The following DIP2C variants were observed in gnomAD, a reference collection of about 807,000 sequenced individuals.
The protein encoded by DIP2C is disco-interacting protein 2 homolog C.
Under a neutral mutation model 192.4 loss-of-function variants are expected in DIP2C, and 33 were observed. The observed-to-expected ratio is 0.17, with a 90% CI of 0.13 to 0.23. The LOEUF is 0.23. DIP2C is among the 10% of genes least tolerant of loss of function. The pLI, the probability that DIP2C is intolerant of heterozygous loss-of-function variation, is 1.00. For synonymous variants in DIP2C, 979 were observed against 864.1 expected, an observed-to-expected ratio of 1.13 and a Z score of -2.33; for missense variants, 1,537 against 2,110.1, an observed-to-expected ratio of 0.73 and a Z score of 5.32.
At chr10:558,697 A>T (rs1849037946) in intron 1 of DIP2C, among the ~76,000 whole-genome samples, 1 of 152,198 alleles carries the variant, frequency 6.6e-6, no homozygotes, top group African/African-American at 2.4e-5. Flanking sequence ...AGACACTGTA[A>T]CATGCTTATC....
rs199524257 is a variant in DIP2C at position 408,986 on chromosome 10, A to G, written c.1089T>C (p.Ala363=). The G allele has an allele frequency of 6.2e-7, 1 of 1,614,224 alleles. No individual in the cohort carries two copies. The highest frequency in any genetic ancestry group is 8.5e-7 in the Non-Finnish European group (1 of 1,180,036). The change falls in exon 9 of 37, where the codon GCT becomes GCC. Residue 363 remains alanine, a synonymous_variant. Transcript: ENST00000280886. ...TGCCTAATTTGTGTAGAATGCTGTA[A>G]GCGACCTTCATACTTCTTGTCCACA... ...GKLWTRSMKV[A]YSILHKLGTK... is the part of the protein sequence containing the mutation.
intron 1 of DIP2C, among the ~76,000 whole-genome samples, chr10:580,236 C>T (rs945817390): frequency 1.3e-5 from 2 of 152,076 alleles, no homozygotes; most frequent in African/African-American, 4.8e-5. Context: ...AGTACACTAA[C>T]ATATACATGT....
intron 4 of DIP2C, among the ~76,000 whole-genome samples, chr10:440,432 G>A (rs972539197): frequency 1.3e-5 from 2 of 152,136 alleles, no homozygotes; most frequent in Non-Finnish European, 2.9e-5. Context: ...TTTATGACCC[G>A]TGATTTGGGT....
chr10:375,956 A>G (rs1006384437), intron 17 of DIP2C, among the ~76,000 whole-genome samples: 7 of 152,238 alleles, frequency 4.6e-5, no homozygotes, highest in African/African-American at 1.4e-4. Context: ...GAAAGAGTTA[A>G]GCTGCAGGCC....
At chr10:466,199 C>G (rs904266393) in intron 3 of DIP2C, among the ~76,000 whole-genome samples, 1 of 151,922 alleles carries the variant, frequency 6.6e-6, no homozygotes, top group African/African-American at 2.4e-5. Context: ...AGATATAGAT[C>G]AATGGAACAG....
intron 6 of DIP2C, among the ~76,000 whole-genome samples, chr10:417,846 GCACC>G (rs1564685790): frequency 6.0e-5 from 5 of 82,926 alleles, no homozygotes; most frequent in African/African-American, 2.4e-4. Context: ...CTGTCCACCT[GCACC>G]TGTCAGAGCT....
chr10:347,426 C>A (rs1208634579), intron 26 of DIP2C, among the ~76,000 whole-genome samples: 1 of 148,900 alleles, frequency 6.7e-6, no homozygotes, highest in Non-Finnish European at 1.5e-5. Context: ...CATAGTTCTC[C>A]CGGAAACGTC....
chr10:417,635 C>T (rs868863065), intron 6 of DIP2C, among the ~76,000 whole-genome samples: 243 of 6,138 alleles, frequency 0.04, 6 homozygotes, highest in South Asian at 0.2. Flanking sequence ...TGTCAGGGCT[C>T]GGATAGGCCT....
rs750657568 is a variant in DIP2C, at chr10:422,877, C to G, written c.551G>C (p.Gly184Ala). The G allele has an allele frequency of 6.2e-7, 1 of 1,613,508 alleles. No homozygotes were observed. The highest frequency in any genetic ancestry group is 1.1e-5 in the South Asian group (1 of 91,048). The change falls in exon 5 of 37, where the codon GGG (glycine) becomes GCG (alanine). Residue 184 changes from glycine to alanine, a missense_variant. Gly to Ala is a moderately conservative substitution (Grantham distance 60). Coordinates refer to ENST00000280886, the MANE Select transcript of DIP2C (RefSeq NM_014974.3). ...STTSSSSTQS[G>A]GSGAAHRLAD... ...CAGCCTGTGGGCAGCCCCGCTGCCC[C>G]CGCTCTGCGTAGAGGACGAGGAGGT...
chr10:671,456 ACCACAGGCGCACGGACGGAGGAAACG>A (rs1297160771), intron 1 of DIP2C, among the ~76,000 whole-genome samples: 1 of 105,524 alleles, frequency 9.5e-6, no homozygotes, highest in Non-Finnish European at 1.9e-5. Flanking sequence ...GAGGAAACAG[ACCACAGGCGCACGGACGGAGGAAACG>A]CCACAGACGC....
chr10:593,315 C>T (rs943969587), intron 1 of DIP2C, among the ~76,000 whole-genome samples: 7 of 152,126 alleles, frequency 4.6e-5, no homozygotes, highest in Non-Finnish European at 1.0e-4. Flanking sequence ...CCCAGTGTAA[C>T]CCTAAGTCCA....
intron 1 of DIP2C, among the ~76,000 whole-genome samples, chr10:509,571 G>C (rs923824772): frequency 2.0e-5 from 3 of 152,320 alleles, no homozygotes; most frequent in Admixed American, 6.5e-5. Context: ...CAGGGACTCT[G>C]TGCGGTAAGG....
intron 3 of DIP2C, among the ~76,000 whole-genome samples, chr10:457,975 C>T (rs1326542725): frequency 6.6e-6 from 1 of 152,200 alleles, no homozygotes; most frequent in Non-Finnish European, 1.5e-5. Context: ...GCAGGTCTGG[C>T]AACAGTCCCA....
At chr10:305,935 A>T (rs1956294610) in intron 32 of DIP2C, among the ~76,000 whole-genome samples, 1 of 150,918 alleles carries the variant, frequency 6.6e-6, no homozygotes, top group Non-Finnish European at 1.5e-5. Flanking sequence ...GTGTGAGCCC[A>T]TTCCCAGCCT....
At chr10:428,809 GT>G (rs1481296578) in intron 4 of DIP2C, among the ~76,000 whole-genome samples, 10 of 151,980 alleles carry the variant, frequency 6.6e-5, no homozygotes, top group African/African-American at 2.2e-4. Flanking sequence ...TTTAATTTTG[GT>G]TTCTCTGGTC....
intron 1 of DIP2C, among the ~76,000 whole-genome samples, chr10:534,044 G>GA (rs1437895447): frequency 6.6e-6 from 1 of 151,764 alleles, no homozygotes; most frequent in Non-Finnish European, 1.5e-5. Context: ...AATGGACCAT[G>GA]AAGCCCACGC....
intron 1 of DIP2C, among the ~76,000 whole-genome samples, chr10:543,862 T>C (rs1322582959): frequency 6.6e-6 from 1 of 152,004 alleles, no homozygotes; most frequent in Non-Finnish European, 1.5e-5. Context: ...TTCTGGGACT[T>C]TTTCACCACC....
At chr10:670,269 C>T (rs1181905259) in intron 1 of DIP2C, among the ~76,000 whole-genome samples, 1 of 142,396 alleles carries the variant, frequency 7.0e-6, no homozygotes, top group East Asian at 2.1e-4. Context: ...CACATACACG[C>T]ATGCATATAC....
chr10:607,947 A>G (rs1343893717), intron 1 of DIP2C, among the ~76,000 whole-genome samples: 1 of 151,714 alleles, frequency 6.6e-6, no homozygotes, highest in African/African-American at 2.4e-5. Flanking sequence ...TGTGGGTCCC[A>G]GAGGTGGCTG....
Sources: allele counts gnomAD v4.1 joint callset (sites outside exome capture counted in the v4.1 genomes callset), GRCh38; gene constraint gnomAD v4.1.1; transcripts MANE v1.5; gene names NCBI Gene and HGNC (gene_info 2026-07-23, HGNC 2026-07-21).